MSRA: variants seen among roughly 807,000 people sequenced by gnomAD.
The protein encoded by MSRA is methionine sulfoxide reductase A.
Under a neutral mutation model 31.3 loss-of-function variants are expected in MSRA, and 54 were observed. The observed-to-expected ratio is 1.73, with a 90% CI of 1.39 to 2.17. The LOEUF (loss-of-function observed/expected upper bound fraction) is 2.17, where lower values mean the gene tolerates loss of function less well. Ranked by LOEUF, MSRA falls within the 30% of genes most tolerant of loss-of-function variation. The pLI is 0.00. For missense variants in MSRA, 507 were observed against 300.9 expected (o/e 1.69, Z -5.07); for synonymous variants, 169 against 116.5 (o/e 1.45, Z -2.90).
At chr8:10,373,926 C>T (rs1042156702) in intron 5 of MSRA, among the ~76,000 whole-genome samples, 2 of 152,176 alleles carry the variant, frequency 1.3e-5, no homozygotes. Flanking sequence ...ATATCATGGC[C>T]ATGGGCTTTC....
intron 5 of MSRA, among the ~76,000 whole-genome samples, chr8:10,394,189 C>G (rs1806945307): frequency 6.6e-6 from 1 of 152,170 alleles, no homozygotes; most frequent in African/African-American, 2.4e-5. Flanking sequence ...TTTCCAAAAC[C>G]AAAAGGGGCC....
intron 3 of MSRA, among the ~76,000 whole-genome samples, chr8:10,298,159 G>C (rs1490422852): frequency 6.6e-6 from 1 of 152,204 alleles, no homozygotes; most frequent in Non-Finnish European, 1.5e-5. Flanking sequence ...AAATAGTTGT[G>C]AGCAATGTTT....
chr8:10,344,428 G>A (rs577991881), intron 5 of MSRA, among the ~76,000 whole-genome samples: 1 of 151,918 alleles, frequency 6.6e-6, no homozygotes, highest in African/African-American at 2.4e-5. Context: ...ACAAAAATTA[G>A]ACAGGCGTGG....
chr8:10,277,499 G>A (rs1281832413), intron 3 of MSRA, among the ~76,000 whole-genome samples: 1 of 152,146 alleles, frequency 6.6e-6, no homozygotes, highest in Non-Finnish European at 1.5e-5. Context: ...TCCAACTTCT[G>A]ATGTTTCCTA....
chr8:10,280,310 A>G (rs1216896105), intron 3 of MSRA, among the ~76,000 whole-genome samples: 2 of 151,772 alleles, frequency 1.3e-5, no homozygotes, highest in African/African-American at 4.8e-5. Context: ...TATAGTTGTC[A>G]TTCTCTTTTT....
At chr8:10,054,891 A>G (rs1802241349) in intron 1 of MSRA, among the ~76,000 whole-genome samples, 1 of 152,210 alleles carries the variant, frequency 6.6e-6, no homozygotes, top group South Asian at 2.1e-4. Context: ...CAAACTGGGC[A>G]TTCTGAAGGA....
At chr8:10,416,036 G>A (rs144406855) in intron 5 of MSRA, among the ~76,000 whole-genome samples, 10 of 152,100 alleles carry the variant, frequency 6.6e-5, no homozygotes, top group Non-Finnish European at 1.0e-4. Flanking sequence ...AGGAGTCCTC[G>A]TCACTCCCTG....
intron 5 of MSRA, among the ~76,000 whole-genome samples, chr8:10,383,851 A>G (rs531951093): frequency 4.0e-4 from 61 of 152,308 alleles, no homozygotes; most frequent in South Asian, 2.1e-3. Context: ...GCACAGCTAA[A>G]GACAGAGCAT....
intron 5 of MSRA, among the ~76,000 whole-genome samples, chr8:10,320,646 T>C (rs1460039389): frequency 3.3e-5 from 5 of 152,306 alleles, no homozygotes; most frequent in Non-Finnish European, 7.4e-5. Context: ...TAACAAACAG[T>C]CACAGCCTGG....
intron 5 of MSRA, among the ~76,000 whole-genome samples, chr8:10,364,156 A>G (rs1805024241): frequency 6.6e-6 from 1 of 152,188 alleles, no homozygotes; most frequent in Non-Finnish European, 1.5e-5. Flanking sequence ...AATTGGAATT[A>G]GCTGCTTGTT....
intron 1 of MSRA, among the ~76,000 whole-genome samples, chr8:10,105,181 A>T (rs1394027948): frequency 6.6e-6 from 1 of 151,960 alleles, no homozygotes; most frequent in African/African-American, 2.4e-5. Context: ...CTCATCGAAG[A>T]TACCTTCTCA....
intron 5 of MSRA, among the ~76,000 whole-genome samples, chr8:10,348,357 CTTTTTTTTT>C (rs34083972): frequency 2.8e-4 from 18 of 64,272 alleles, no homozygotes; most frequent in Admixed American, 1.3e-3. Context: ...AAATTATTGC[CTTTTTTTTT>C]TTTTTTTTTT....
chr8:10,162,939 A>G (rs112984888), intron 1 of MSRA, among the ~76,000 whole-genome samples: 2,000 of 152,120 alleles, frequency 0.013, 48 homozygotes, highest in African/African-American at 0.046. Context: ...TAAAGTTTGC[A>G]CCTCTCCAAA....
intron 1 of MSRA, among the ~76,000 whole-genome samples, chr8:10,143,569 G>A (rs1015053111): frequency 6.6e-6 from 1 of 152,150 alleles, no homozygotes; most frequent in Non-Finnish European, 1.5e-5. Context: ...ATTATTGCCA[G>A]ACATAAAACC....
chr8:10,094,341 T>C (rs1799010362), intron 1 of MSRA, among the ~76,000 whole-genome samples: 1 of 152,254 alleles, frequency 6.6e-6, no homozygotes, highest in South Asian at 2.1e-4. Flanking sequence ...TGGAAGGCTG[T>C]ATGCAAGACT....
chr8:10,295,554 G>T (rs1048423970), intron 3 of MSRA, among the ~76,000 whole-genome samples: 1 of 152,134 alleles, frequency 6.6e-6, no homozygotes, highest in African/African-American at 2.4e-5. Flanking sequence ...GGCTCTGCTC[G>T]GCCTCCCTCC....
rs928505694 is a variant in MSRA at position 10,132,801 on chromosome 8, A to C, written c.143-75032A>C. On this transcript the variant is annotated intron_variant, in intron 1 of 5. Coordinates refer to ENST00000317173, the MANE Select transcript of MSRA (RefSeq NM_012331.5). The stretch of plus-strand genomic sequence containing the variant: ...CAGAAAGGTTAAACAGTTTACCCGG[A>C]GTCATAAAATAGATGTTTAAAATAG... 2.6e-5 allele frequency among the ~76,000 whole-genome samples: 4 copies of C among 152,224 alleles called. No individual in the cohort carries two copies. The East Asian group carries it at 7.7e-4, about 29-fold the overall frequency.
intron 1 of MSRA, among the ~76,000 whole-genome samples, chr8:10,109,342 CTT>C (rs58003322): frequency 7.6e-5 from 11 of 145,140 alleles, no homozygotes; most frequent in African/African-American, 2.5e-4. Flanking sequence ...CTTTTCTTTT[CTT>C]TTTTTTTTTT....
intron 3 of MSRA, among the ~76,000 whole-genome samples, chr8:10,283,691 GT>G (rs1005376898): frequency 3.4e-5 from 5 of 148,432 alleles, no homozygotes; most frequent in Admixed American, 6.7e-5. Context: ...AACATACAAT[GT>G]TTTTTTTTCC....
Sources: gnomAD v4.1 joint callset for allele counts (sites outside exome capture counted in the v4.1 genomes callset) on GRCh38, gnomAD v4.1.1 for gene constraint, MANE v1.5 for transcripts, NCBI Gene and HGNC (gene_info 2026-07-23, HGNC 2026-07-21) for gene names.